NRXN3: variants seen among roughly 807,000 people sequenced by gnomAD.
NRXN3 encodes neurexin 3.
Under a neutral mutation model 137.6 loss-of-function variants are expected in NRXN3, and 32 were observed. The observed-to-expected ratio is 0.23, with a 90% confidence interval of 0.18 to 0.31. The LOEUF (loss-of-function observed/expected upper bound fraction) is 0.31. Ranked by LOEUF, NRXN3 falls within the 10% of genes least tolerant of loss-of-function variation. The pLI is 1.00. For synonymous variants in NRXN3, 798 were observed against 784.5 expected (o/e 1.02, Z -0.29); for missense variants, 1,574 against 2,062.5 (o/e 0.76, Z 4.59).
chr14:78,907,977 CT>C (rs541585292), intron 10 of NRXN3, among the ~76,000 whole-genome samples: 24 of 152,096 alleles, frequency 1.6e-4, no homozygotes, highest in South Asian at 8.3e-4. Context: ...AGATCTTGTT[CT>C]TTTTTTATGG....
intron 15 of NRXN3, among the ~76,000 whole-genome samples, chr14:79,231,078 A>G (rs2153276130): frequency 2.0e-5 from 3 of 152,268 alleles, no homozygotes; most frequent in Middle Eastern, 6.8e-3. Flanking sequence ...CTCCTTAGGT[A>G]AAAAAGTAGT....
At chr14:78,839,572 G>C (rs2099006278) in intron 10 of NRXN3, among the ~76,000 whole-genome samples, 1 of 152,190 alleles carries the variant, frequency 6.6e-6, no homozygotes, top group African/African-American at 2.4e-5. Flanking sequence ...GAGATGGACT[G>C]CACACCCCTT....
intron 19 of NRXN3, among the ~76,000 whole-genome samples, chr14:79,709,123 G>T (rs79087464): frequency 6.6e-6 from 1 of 152,050 alleles, no homozygotes; most frequent in Non-Finnish European, 1.5e-5. Context: ...ATGCACGTCC[G>T]GGGTGGTATC....
intron 14 of NRXN3, among the ~76,000 whole-genome samples, chr14:78,983,130 AAAC>A (rs961458727): frequency 2.6e-5 from 4 of 152,160 alleles, no homozygotes; most frequent in African/African-American, 9.7e-5. Context: ...AAAAAGACAA[AAAC>A]AACAACAACA....
At chr14:78,659,675 G>A (rs928751284) in intron 6 of NRXN3, among the ~76,000 whole-genome samples, 11 of 145,170 alleles carry the variant, frequency 7.6e-5, no homozygotes, top group African/African-American at 2.8e-4. Flanking sequence ...GCGAGACTCT[G>A]TCTCAGAAAA....
At chr14:78,786,234 A>T (rs1292945943) in intron 8 of NRXN3, among the ~76,000 whole-genome samples, 1 of 152,206 alleles carries the variant, frequency 6.6e-6, no homozygotes, top group Non-Finnish European at 1.5e-5. Context: ...TCAACTATTG[A>T]CATATTAAAT....
At chr14:79,159,596 A>G (rs2127453) in intron 15 of NRXN3, among the ~76,000 whole-genome samples, 151,482 of 151,840 alleles carry the variant, frequency 1, 75,564 homozygotes, top group Non-Finnish European at 1. Flanking sequence ...ACATCATTTT[A>G]TCCCTTCCTA....
chr14:79,662,694 G>A (rs530310846), intron 16 of NRXN3, among the ~76,000 whole-genome samples: 5 of 152,222 alleles, frequency 3.3e-5, no homozygotes, highest in African/African-American at 1.2e-4. Flanking sequence ...GAGCCCTCAG[G>A]AAGCTTCCAA....
chr14:78,714,783 C>A lies in NRXN3; in HGVS notation c.1688C>A (p.Thr563Lys). ...SGTISVNSRR[T>K]PFTASGESEI... ...ACTATATCAGTGAACAGCAGGCGCA[C>A]GCCATTCACCGCCAGTGGGGAGAGC... Residue 563 changes from threonine to lysine, a missense_variant, in exon 8 of 21, where the codon ACG (threonine) becomes AAG (lysine). Thr to Lys is a moderately conservative substitution (Grantham distance 78). Around this residue, in one of 5 missense-constraint regions of NRXN3, gnomAD observed 718 missense variants for 887.6 expected, o/e 0.81. Transcript: ENST00000335750. 1.2e-6 allele frequency: 2 copies of A among 1,614,038 alleles called. No individual in the cohort carries two copies. Among genetic ancestry groups the A allele is most frequent in the Non-Finnish European group, 1.7e-6 (2 of 1,179,956 alleles).
chr14:78,715,006 C>G lies in NRXN3; in HGVS notation c.1911C>G (p.Ser637=). ...TGCAGAATGCTGCGGGTGTCAAGTC[C>G]TCCTGTTCACGGATGAGTGCCAAGC... is the stretch of plus-strand genomic sequence containing the variant. ...AEMQNAAGVK[S]SCSRMSAKQC... Residue 637 remains serine (S), a synonymous_variant, in exon 8 of 21, where the codon TCC becomes TCG. Transcript: ENST00000335750. 1 of 1,614,130 alleles carries G rather than the reference C, an allele frequency of 6.2e-7. No homozygotes were observed. The highest frequency in any genetic ancestry group is 8.5e-7 in the Non-Finnish European group (1 of 1,180,034).
chr14:79,464,116 T>C (rs1450510614), intron 15 of NRXN3, among the ~76,000 whole-genome samples: 1 of 152,180 alleles, frequency 6.6e-6, no homozygotes, highest in Non-Finnish European at 1.5e-5. Flanking sequence ...GTTATAATTG[T>C]TAATTACCTT....
chr14:78,920,578 C>T (rs974656636), intron 10 of NRXN3, among the ~76,000 whole-genome samples: 2 of 152,014 alleles, frequency 1.3e-5, no homozygotes, highest in African/African-American at 2.4e-5. Flanking sequence ...AGCACAGATC[C>T]CCCAGGTTAA....
intron 6 of NRXN3, among the ~76,000 whole-genome samples, chr14:78,656,451 G>A (rs2097785504): frequency 6.6e-6 from 1 of 152,118 alleles, no homozygotes; most frequent in African/African-American, 2.4e-5. Flanking sequence ...TGGTGTCTGG[G>A]TGAAGAACTT....
At position 78,715,400 on chromosome 14, in the gene NRXN3, G is replaced by A. The variant is rs116365945; in HGVS notation, c.2044+261G>A. On this transcript the variant is annotated intron_variant, in intron 8 of 20. Transcript: ENST00000335750. The stretch of plus-strand genomic sequence containing the variant: ...TTTTTGATTAAATATTTTCTATTTA[G>A]AGAGGGTAAATAATTCTCTTTTGGG... Among the ~76,000 whole-genome samples, 64 of 152,284 alleles carry A rather than the reference G, an allele frequency of 4.2e-4. 1 individual carries two copies. The highest frequency in any genetic ancestry group is 1.4e-3 in the African/African-American group (60 of 41,558).
chr14:78,933,954 C>A (rs766479131), intron 10 of NRXN3, among the ~76,000 whole-genome samples: 5 of 152,056 alleles, frequency 3.3e-5, no homozygotes, highest in Admixed American at 6.6e-5. Flanking sequence ...TTCTGGTACC[C>A]ACCCATCTTC....
chr14:78,489,916 C>CT (rs11342442), intron 4 of NRXN3, among the ~76,000 whole-genome samples: 188 of 140,498 alleles, frequency 1.3e-3, no homozygotes, highest in East Asian at 2.9e-3. Flanking sequence ...GAGAGCTGGA[C>CT]TTTTTTTTTT....
chr14:79,219,860 C>T (rs2069221707), intron 15 of NRXN3, among the ~76,000 whole-genome samples: 2 of 152,126 alleles, frequency 1.3e-5, no homozygotes, highest in South Asian at 4.1e-4. Context: ...GTTGTTTTCC[C>T]ATCAAAATGG....
In NRXN3 at chr14:78,419,934, TGCACGTGTGTGCGCGC is replaced by T. The variant is rs2093348465; in HGVS notation, c.757+122077_757+122092del. 2.8e-5 allele frequency among the ~76,000 whole-genome samples: 4 copies of T among 143,146 alleles called. No homozygotes were observed. In the South Asian group the frequency reaches 8.7e-4, roughly 31 times the overall value. The allele number at this position is 143,146 out of a possible 152,430, so 93.9% of individuals were successfully genotyped here. A position where few individuals can be genotyped will look rare whatever the true frequency, so the allele number is the denominator to read the frequency against. On this transcript the variant is annotated intron_variant, in intron 4 of 20. Transcript: ENST00000335750. ...TGTGTGTAATGTATATATATCTGTG[TGCACGTGTGTGCGCGC>T]GCGCGCGCACGCACACACACACACA...
chr14:79,328,854 T>C (rs2091279993), intron 15 of NRXN3, among the ~76,000 whole-genome samples: 1 of 152,206 alleles, frequency 6.6e-6, no homozygotes, highest in African/African-American at 2.4e-5. Context: ...TTTCACTTCT[T>C]GATATACACA....
Sources: allele counts gnomAD v4.1 joint callset (sites outside exome capture counted in the v4.1 genomes callset), GRCh38; gene constraint gnomAD v4.1.1; regional missense constraint gnomAD v4.1.1; transcripts MANE v1.5; gene names NCBI Gene and HGNC (gene_info 2026-07-23, HGNC 2026-07-21).